Variants in CFAP92 observed in about 807,000 individuals in gnomAD.
CFAP92 encodes cilia and flagella associated protein 92 (putative), also known as uncharacterized protein CFAP92.
In CFAP92, 86 loss-of-function variants were observed where a neutral mutation model predicts 106.3. That is an observed-to-expected ratio of 0.81 (90% confidence interval 0.68 to 0.97). The LOEUF (loss-of-function observed/expected upper bound fraction) is 0.97, where lower values mean the gene tolerates loss of function less well. Ranked by LOEUF, CFAP92 falls within the 50% of genes least tolerant of loss-of-function variation. The pLI is 0.00. For synonymous variants in CFAP92, 477 were observed against 506.4 expected, an observed-to-expected ratio of 0.94 and a Z score of 0.78; for missense variants, 1,204 against 1,283.8, an observed-to-expected ratio of 0.94 and a Z score of 0.95.
At chr3:128,934,622 C>T (rs1045020378) in intron 11 of CFAP92, among the ~76,000 whole-genome samples, 5 of 152,098 alleles carry the variant, frequency 3.3e-5, no homozygotes, top group Non-Finnish European at 7.4e-5. Context: ...TCTCTGCCTT[C>T]CAGGTTCAAG....
chr3:128,945,826 G>A lies in CFAP92; in HGVS notation c.1503C>T (p.Tyr501=), dbSNP rs1448310288. 2.6e-6 allele frequency: 4 copies of A among 1,519,116 alleles called. No individual in the cohort carries two copies. Among genetic ancestry groups the A allele is most frequent in the South Asian group, 2.5e-5 (2 of 80,708 alleles). 94.1% of individuals were successfully genotyped at this position (1,519,116 alleles called of 1,614,324 possible). A position where few individuals can be genotyped will look rare whatever the true frequency, so the allele number is the denominator to read the frequency against. ...CCACCACCATGGGGGGGCCCTCCAG[G>A]TATTCCCTTAGGTCACTGGGGTGCA... ...GALHPSDLRE[Y]LEGPPMVVEV... The change falls in exon 10 of 16, where the codon TAC becomes TAT. Residue 501 remains tyrosine (Y), a synonymous_variant. Coordinates refer to ENST00000645291, the MANE Select transcript of CFAP92 (RefSeq NM_001394090.1).
intron 7 of CFAP92, among the ~76,000 whole-genome samples, chr3:128,973,499 A>G (rs1051687335): frequency 6.6e-6 from 1 of 152,074 alleles, no homozygotes; most frequent in Non-Finnish European, 1.5e-5. Flanking sequence ...TCTACTAAAA[A>G]TACAAAACTA....
chr3:128,978,118 G>A lies in CFAP92; in HGVS notation c.735C>T (p.Val245=). ...SEQGIENTNI[V]REESNQEHPP... is the part of the protein sequence containing the mutation. Reference sequence around the variant, plus strand: ...GATGTTCCTGGTTCGACTCTTCTCTGACAATGTTGGTATTCTCAATGCCCT... The same window carrying A: ...GATGTTCCTGGTTCGACTCTTCTCTAACAATGTTGGTATTCTCAATGCCCT... The change falls in exon 5 of 16, where the codon GTC becomes GTT. Residue 245 remains valine, a synonymous_variant. Coordinates refer to ENST00000645291, the MANE Select transcript of CFAP92 (RefSeq NM_001394090.1). 6.2e-7 allele frequency: 1 copy of A among 1,613,894 alleles called. No individual in the cohort carries two copies. The highest frequency in any genetic ancestry group is 8.5e-7 in the Non-Finnish European group (1 of 1,179,866).
intron 7 of CFAP92, among the ~76,000 whole-genome samples, chr3:128,974,739 T>G (rs1279235839): frequency 6.6e-6 from 1 of 151,922 alleles, no homozygotes; most frequent in Admixed American, 6.6e-5. Context: ...CAGAATTGTT[T>G]GAACCCAAGA....
intron 9 of CFAP92, among the ~76,000 whole-genome samples, chr3:128,952,447 T>A (rs1940905486): frequency 6.6e-6 from 1 of 152,124 alleles, no homozygotes; most frequent in Admixed American, 6.5e-5. Flanking sequence ...CAAGATAGAA[T>A]TTTTAAAAAA....
At chr3:128,929,107 G>T (rs934403620) in intron 12 of CFAP92, among the ~76,000 whole-genome samples, 5 of 152,104 alleles carry the variant, frequency 3.3e-5, no homozygotes, top group African/African-American at 1.2e-4. Context: ...TGAAAAAAGA[G>T]ATTAATTCAA....
At chr3:129,019,859 C>G in the CFAP92 span, among the ~76,000 whole-genome samples, 1 of 150,472 alleles carries the variant, frequency 6.6e-6, no homozygotes, top group Non-Finnish European at 1.5e-5. Context: ...ACCTCCACCT[C>G]CCAGATTCAA....
At chr3:128,958,102 T>C (rs1477538804) in intron 9 of CFAP92, among the ~76,000 whole-genome samples, 1 of 152,202 alleles carries the variant, frequency 6.6e-6, no homozygotes, top group Non-Finnish European at 1.5e-5. Context: ...AAGGATACCC[T>C]AATGACCTCA....
rs557621814 is a variant in CFAP92 at position 128,934,132 on chromosome 3, G to A, written c.2453+993C>T. 2.4e-5 allele frequency among the ~76,000 whole-genome samples: 3 copies of A among 124,996 alleles called. No individual in the cohort carries two copies. The East Asian group carries it at 8.6e-4, about 36-fold the overall frequency. 82.0% of individuals were successfully genotyped at this position (124,996 alleles called of 152,430 possible). On this transcript the variant is annotated intron_variant, in intron 11 of 15. Coordinates refer to ENST00000645291, the MANE Select transcript of CFAP92 (RefSeq NM_001394090.1). ...TGGGTCCCAGGGTATCCCACTGCCT[G>A]TGTTCTTTATGTCATCTCTGCTTCT...
intron 9 of CFAP92, among the ~76,000 whole-genome samples, chr3:128,949,594 A>G (rs1294227978): frequency 5.9e-5 from 9 of 152,378 alleles, no homozygotes; most frequent in Admixed American, 1.3e-4. Context: ...TGTGTGAAGC[A>G]AAAGTGATTA....
chr3:128,942,727 T>G (rs573580607), intron 10 of CFAP92, among the ~76,000 whole-genome samples: 2 of 151,240 alleles, frequency 1.3e-5, no homozygotes, highest in Admixed American at 1.3e-4. Flanking sequence ...CAGGCTGGAG[T>G]GCAGTGGCAT....
rs10573280 is a variant in CFAP92, at chr3:128,918,940, A to ATTTTTTT, written c.2752-2676_2752-2670dup. Among the ~76,000 whole-genome samples, 139 of 105,852 alleles carry ATTTTTTT rather than the reference A, an allele frequency of 1.3e-3. 1 individual carries two copies. The highest frequency in any genetic ancestry group is 5.1e-3 in the African/African-American group (135 of 26,438). The allele number at this position is 105,852 out of a possible 152,430, so 69.4% of individuals were successfully genotyped here. A position where few individuals can be genotyped will look rare whatever the true frequency, so the allele number is the denominator to read the frequency against. ...TGCCAATTAAAGAATCTCAGATTGGATTTTTTTTTTTTTTTTTTTTTTTTG... is the reference window on the plus strand; with the variant it reads ...TGCCAATTAAAGAATCTCAGATTGGATTTTTTTTTTTTTTTTTTTTTTTTTTTTTTTG... On this transcript the variant is annotated intron_variant, in intron 12 of 15. Transcript: ENST00000645291.
chr3:128,975,523 A>G (rs1175758386), intron 7 of CFAP92, among the ~76,000 whole-genome samples: 1 of 151,760 alleles, frequency 6.6e-6, no homozygotes. Flanking sequence ...TGGATGAATG[A>G]ATGGATGGAT....
chr3:129,021,991 G>A, the CFAP92 span, among the ~76,000 whole-genome samples: 1 of 152,182 alleles, frequency 6.6e-6, no homozygotes, highest in East Asian at 1.9e-4. Flanking sequence ...TAGGGTTGGG[G>A]TCCTCTGCTG....
rs192961575 is a variant in CFAP92, at chr3:128,925,388, C to A, written c.2751+7312G>T. ...GGTAATGCTCACTTGCCCACTCTCA[C>A]CTCCTGTTGTGCCACCCAGTTTCTA... is the stretch of plus-strand genomic sequence containing the variant. On this transcript the variant is annotated intron_variant, in intron 12 of 15. Transcript: ENST00000645291. 1.2e-4 allele frequency among the ~76,000 whole-genome samples: 19 copies of A among 152,328 alleles called. No individual in the cohort carries two copies. In the East Asian group the frequency reaches 3.7e-3, roughly 29 times the overall value.
intron 9 of CFAP92, among the ~76,000 whole-genome samples, chr3:128,961,113 C>T (rs187806262): frequency 1.3e-5 from 2 of 152,262 alleles, no homozygotes; most frequent in Admixed American, 1.3e-4. Context: ...GCCGCTTGAC[C>T]CCAATACAAA....
At chr3:129,007,357 G>T (rs1414434677), upstream of CFAP92, among the ~76,000 whole-genome samples, 3 of 152,292 alleles carry the variant, frequency 2.0e-5, no homozygotes, top group East Asian at 5.8e-4. Flanking sequence ...GGGAGGAAAG[G>T]GCCCCATGCC....
rs1041532478 is a variant in CFAP92, at chr3:128,919,092, C to T, written c.2752-2821G>A. ...CCTCCCAAGTAGCTGGGATTACAGG[C>T]GTGTGCCACCACGCCTGGCTAATTT... On this transcript the variant is annotated intron_variant, in intron 12 of 15. Transcript: ENST00000645291. Among the ~76,000 whole-genome samples the T allele has an allele frequency of 5.9e-5, 9 of 152,078 alleles. No individual in the cohort carries two copies. In the South Asian group the frequency reaches 6.3e-4, roughly 11 times the overall value.
rs112769421 is a variant in CFAP92 at position 128,946,446 on chromosome 3, C to A, written c.1354-471G>T. On this transcript the variant is annotated intron_variant, in intron 9 of 15. Transcript: ENST00000645291. ...AACTGACACTCTGGGCAGGAGACAG[C>A]CTCAGAGAGGTCTGGGCCTCAGAGA... 6.1e-3 allele frequency among the ~76,000 whole-genome samples: 922 copies of A among 152,246 alleles called. 8 individuals carry two copies. The highest frequency in any genetic ancestry group is 0.021 in the African/African-American group (873 of 41,530).
Sources: gnomAD v4.1 joint callset for allele counts (sites outside exome capture counted in the v4.1 genomes callset) on GRCh38, gnomAD v4.1.1 for gene constraint, MANE v1.5 for transcripts, NCBI Gene and HGNC (gene_info 2026-07-23, HGNC 2026-07-21) for gene names.